PCDHGA6: variants seen among roughly 807,000 people sequenced by gnomAD.
PCDHGA6 encodes the protein protocadherin gamma subfamily A, 6, also known as protocadherin gamma-A6.
PCDHGA6 carries 41 observed loss-of-function variants against 60.6 expected under a neutral mutation model. The ratio of observed to expected loss-of-function variants is 0.68; its 90% CI spans 0.53 to 0.88. The LOEUF is 0.88. Ranked by LOEUF, PCDHGA6 falls within the 40% of genes least tolerant of loss-of-function variation. The probability of loss-of-function intolerance (pLI) is 0.00; values close to 1 mark genes in which losing one functional copy is unlikely to be tolerated. For missense variants in PCDHGA6, 1,312 were observed against 1,203.0 expected (o/e 1.09, Z -1.34); for synonymous variants, 594 against 524.4 (o/e 1.13, Z -1.81).
In PCDHGA6 at chr5:141,491,893, G is replaced by C. The variant is rs2099734820; in HGVS notation, c.2425-2914G>C. The C allele has an allele frequency of 6.9e-7, 1 of 1,438,856 alleles. No individual in the cohort carries two copies. The highest frequency in any genetic ancestry group is 9.2e-7 in the Non-Finnish European group (1 of 1,088,104). 89.1% of individuals were successfully genotyped at this position (1,438,856 alleles called of 1,614,324 possible). A position where few individuals can be genotyped will look rare whatever the true frequency, so the allele number is the denominator to read the frequency against. ...GGCCGATTAAGGGATGGGGCTCCGA[G>C]CACCGGGGGTGGTGGCGACTGTGGG... On this transcript the variant is annotated intron_variant, in intron 1 of 3. Coordinates refer to ENST00000517434, the MANE Select transcript of PCDHGA6 (RefSeq NM_018919.3). The surrounding 1 kb of genome is among the most constrained non-coding windows in gnomAD (Gnocchi z 6.9).
chr5:141,405,222 T>A, intron 1 of PCDHGA6: 5 of 1,613,886 alleles, frequency 3.1e-6, no homozygotes, highest in Non-Finnish European at 4.2e-6. Context: ...TCTCAGGAGT[T>A]CTCCCTCACC....
chr5:141,463,424 CT>C (rs2099058999), intron 1 of PCDHGA6, among the ~76,000 whole-genome samples: 1 of 148,698 alleles, frequency 6.7e-6, no homozygotes, highest in Non-Finnish European at 1.5e-5. Flanking sequence ...TTTGCGGATC[CT>C]CATTTCCTTC....
At chr5:141,384,823 C>T (rs1780554130) in intron 1 of PCDHGA6, 1 of 1,613,490 alleles carries the variant, frequency 6.2e-7, no homozygotes, top group South Asian at 1.1e-5. Flanking sequence ...CAAGCAGAGC[C>T]TCGTGGTGGC....
Position 141,511,225 on chromosome 5 carries a change from C to T in PCDHGA6, c.*52C>T, listed in dbSNP as rs2099883678. On this transcript the variant is annotated 3_prime_UTR_variant, in exon 4 of 4. Transcript: ENST00000517434. Reference sequence around the variant, plus strand: ...GGCGGCCTCTCCCCAACCAGCCCAGCTTCTCCTTACCTGCACCCAGGCCTC... The same window carrying T: ...GGCGGCCTCTCCCCAACCAGCCCAGTTTCTCCTTACCTGCACCCAGGCCTC... 1.9e-6 allele frequency: 3 copies of T among 1,601,506 alleles called. No individual in the cohort carries two copies. Among genetic ancestry groups the T allele is most frequent in the Non-Finnish European group, 2.6e-6 (3 of 1,174,170 alleles).
intron 1 of PCDHGA6, chr5:141,403,609 G>A (rs1434656385): frequency 6.2e-7 from 1 of 1,613,870 alleles, no homozygotes; most frequent in South Asian, 1.1e-5. Flanking sequence ...ATGGCGGCGA[G>A]CCGCGTCGCT....
Position 141,489,552 on chromosome 5 carries a change from G to T in PCDHGA6, c.2425-5255G>T, listed in dbSNP as rs2099688780. ...GTGGAGCCAGCACCAGCTGCCTGCTGCCAGTGCAGGTGGTGACTGAACACC... is the reference window on the plus strand; with the variant it reads ...GTGGAGCCAGCACCAGCTGCCTGCTTCCAGTGCAGGTGGTGACTGAACACC... On this transcript the variant is annotated intron_variant, in intron 1 of 3. Coordinates refer to ENST00000517434, the MANE Select transcript of PCDHGA6 (RefSeq NM_018919.3). The surrounding 1 kb of genome is among the most constrained non-coding windows in gnomAD (Gnocchi z 4.5). The T allele has an allele frequency of 6.2e-7, 1 of 1,613,988 alleles. No homozygotes were observed. The highest frequency in any genetic ancestry group is 1.7e-5 in the Admixed American group (1 of 60,000).
chr5:141,388,871 C>T, intron 1 of PCDHGA6: 2 of 1,613,930 alleles, frequency 1.2e-6, no homozygotes, highest in Non-Finnish European at 8.5e-7. Flanking sequence ...TTGCGCAATG[C>T]ACAGTGGAGG....
chr5:141,381,416 C>T (rs995030864), intron 1 of PCDHGA6, among the ~76,000 whole-genome samples: 2 of 152,236 alleles, frequency 1.3e-5, no homozygotes, highest in African/African-American at 2.4e-5. Context: ...AGTGGAGAGA[C>T]GAGTACCTCT....
intron 1 of PCDHGA6, among the ~76,000 whole-genome samples, chr5:141,463,117 A>G (rs2099053039): frequency 6.6e-6 from 1 of 152,196 alleles, no homozygotes; most frequent in African/African-American, 2.4e-5. Context: ...TTCAGCTAAT[A>G]GCTCCCTGGC....
intron 1 of PCDHGA6, chr5:141,388,903 A>T: frequency 6.2e-7 from 1 of 1,614,010 alleles, no homozygotes; most frequent in Non-Finnish European, 8.5e-7. Flanking sequence ...GATGAAAATG[A>T]CAACGCCCCA....
At chr5:141,409,133 G>A in intron 1 of PCDHGA6, 1 of 1,614,002 alleles carries the variant, frequency 6.2e-7, no homozygotes, top group Non-Finnish European at 8.5e-7. Flanking sequence ...TGATTTTGAA[G>A]ATGTAGAAAG....
At chr5:141,484,789 A>T (rs1215899787) in intron 1 of PCDHGA6, among the ~76,000 whole-genome samples, 1 of 152,132 alleles carries the variant, frequency 6.6e-6, no homozygotes, top group Non-Finnish European at 1.5e-5. Flanking sequence ...CCACAGAGAT[A>T]ACAACCCGTG....
chr5:141,507,206 G>A (rs1392293998), intron 3 of PCDHGA6: 2 of 152,376 alleles, frequency 1.3e-5, no homozygotes, highest in African/African-American at 4.8e-5. Flanking sequence ...CCAGATCAGG[G>A]TTGCCAGATA....
intron 1 of PCDHGA6, chr5:141,441,986 C>A (rs2098288559): frequency 1.1e-5 from 3 of 269,098 alleles, no homozygotes; most frequent in South Asian, 7.5e-5. Context: ...GAATGCGCAC[C>A]GACGAGGTGC....
intron 1 of PCDHGA6, among the ~76,000 whole-genome samples, chr5:141,479,996 G>A (rs759188600): frequency 7.2e-5 from 11 of 152,244 alleles, no homozygotes; most frequent in Middle Eastern, 3.2e-3. Context: ...CTAGGAGTCT[G>A]TGGCCAAGTT....
chr5:141,439,636 G>A (rs114401133), intron 1 of PCDHGA6, among the ~76,000 whole-genome samples: 27 of 152,206 alleles, frequency 1.8e-4, no homozygotes, highest in Non-Finnish European at 2.9e-4. Context: ...CAGACATTCC[G>A]GCTTGGTGGC....
chr5:141,486,734 C>G lies in PCDHGA6; in HGVS notation c.2425-8073C>G, dbSNP rs2099634292. On this transcript the variant is annotated intron_variant, in intron 1 of 3. Transcript: ENST00000517434. This position sits in a 1 kb window ranked among gnomAD's most constrained non-coding sequence, Gnocchi z 5.0. ...CCAGACAGGAGCTGTTCATGCTACT[C>G]GATCCTTTGACTATGAGCAAACCCA... 6.2e-7 allele frequency: 1 copy of G among 1,614,070 alleles called. No individual in the cohort carries two copies. The highest frequency in any genetic ancestry group is 1.7e-5 in the Admixed American group (1 of 60,000).
chr5:141,425,530 A>G (rs1485711838), intron 1 of PCDHGA6, among the ~76,000 whole-genome samples: 1 of 152,246 alleles, frequency 6.6e-6, no homozygotes, highest in Non-Finnish European at 1.5e-5. Flanking sequence ...ACATGAAACA[A>G]TAATCCTTTT....
At chr5:141,405,369 T>C in intron 1 of PCDHGA6, 3 of 1,606,526 alleles carry the variant, frequency 1.9e-6, no homozygotes, top group Non-Finnish European at 2.5e-6. Context: ...GACACCCCTT[T>C]GGTTCCGGTG....
Sources: allele counts gnomAD v4.1 joint callset (sites outside exome capture counted in the v4.1 genomes callset), GRCh38; gene constraint gnomAD v4.1.1; non-coding constraint Gnocchi (gnomAD v3.1); transcripts MANE v1.5; gene names NCBI Gene and HGNC (gene_info 2026-07-23, HGNC 2026-07-21).